TRIM9: variants seen among roughly 807,000 people sequenced by gnomAD.
TRIM9 encodes tripartite motif containing 9.
In TRIM9, 26 loss-of-function variants were observed where a neutral mutation model predicts 78.3. That is an observed-to-expected ratio of 0.33 (90% CI 0.24 to 0.46). TRIM9 has a LOEUF of 0.46. TRIM9 is among the 20% of genes least tolerant of loss of function. The pLI is 1.00. For synonymous variants in TRIM9, 398 were observed against 416.5 expected (o/e 0.96, Z 0.54); for missense variants, 787 against 1,036.4 (o/e 0.76, Z 3.30).
intron 1 of TRIM9, among the ~76,000 whole-genome samples, chr14:51,060,903 C>T (rs1348453649): frequency 6.6e-6 from 1 of 152,218 alleles, no homozygotes; most frequent in Non-Finnish European, 1.5e-5. Flanking sequence ...TATTTTCCCA[C>T]TAGCAATGGT....
chr14:50,990,779 G>T (rs1241132174), intron 7 of TRIM9, among the ~76,000 whole-genome samples: 4 of 152,154 alleles, frequency 2.6e-5, no homozygotes, highest in Non-Finnish European at 4.4e-5. Context: ...GGTAAGGCAA[G>T]ACATGTCACG....
intron 5 of TRIM9, among the ~76,000 whole-genome samples, chr14:51,006,006 T>C (rs2139587603): frequency 6.6e-6 from 1 of 151,846 alleles, no homozygotes; most frequent in South Asian, 2.1e-4. Context: ...CTACTTTCTT[T>C]TTTATCAACA....
At chr14:51,057,751 C>T (rs1033088586) in intron 1 of TRIM9, among the ~76,000 whole-genome samples, 18 of 152,122 alleles carry the variant, frequency 1.2e-4, no homozygotes, top group Non-Finnish European at 1.5e-5. Flanking sequence ...TCATCTTTCT[C>T]TAGTAATGTA....
At chr14:51,053,637 T>C (rs1356979020) in intron 1 of TRIM9, among the ~76,000 whole-genome samples, 1 of 147,446 alleles carries the variant, frequency 6.8e-6, no homozygotes, top group Non-Finnish European at 1.5e-5. Context: ...AGGGTACATG[T>C]GCACATTGTG....
At chr14:50,985,766 C>CT (rs1429806750) in intron 8 of TRIM9, among the ~76,000 whole-genome samples, 190 bp downstream of exon 8, 2 of 152,224 alleles carry the variant, frequency 1.3e-5, no homozygotes, top group African/African-American at 4.8e-5. Flanking sequence ...ATGGTTGCTC[C>CT]TTCCACCACA....
chr14:50,985,969 A>T lies in TRIM9; in HGVS notation c.1779T>A (p.Ser593=). 1 of 1,539,904 alleles carries T rather than the reference A, an allele frequency of 6.5e-7. No homozygotes were observed. Among genetic ancestry groups the T allele is most frequent in the Non-Finnish European group, 8.8e-7 (1 of 1,141,626 alleles). Reference sequence around the variant, plus strand: ...AGCTCAGCTCACCCGGTGCATTGAGAGACTGTAAAGAGGAATGCAAGCTCA... The same window carrying T: ...AGCTCAGCTCACCCGGTGCATTGAGTGACTGTAAAGAGGAATGCAAGCTCA... ...HQLSLHSSLQ[S]LNAPGCNFET... Residue 593 remains serine, a synonymous_variant, in exon 8 of 13, where the codon TCT becomes TCA. Transcript: ENST00000684578.
chr14:51,046,725 C>T (rs1052460966), intron 1 of TRIM9, among the ~76,000 whole-genome samples: 7 of 152,184 alleles, frequency 4.6e-5, no homozygotes, highest in African/African-American at 1.7e-4. Flanking sequence ...TTCTGGCTTT[C>T]CCATGTATTA....
intron 1 of TRIM9, among the ~76,000 whole-genome samples, chr14:51,051,968 GA>G (rs752136261): frequency 1.8e-4 from 24 of 132,722 alleles, no homozygotes; most frequent in Non-Finnish European, 2.7e-4. Flanking sequence ...GTCTTGAAAA[GA>G]AAAGAAGGAA....
chr14:50,996,747 A>T, intron 7 of TRIM9: 1 of 985,464 alleles, frequency 1.0e-6, no homozygotes, highest in Non-Finnish European at 1.2e-6. Flanking sequence ...AGAAGGTGCT[A>T]AAATGATAAT....
chr14:51,002,623 G>C (rs1355423026), intron 5 of TRIM9, among the ~76,000 whole-genome samples: 1 of 152,166 alleles, frequency 6.6e-6, no homozygotes, highest in East Asian at 1.9e-4. Flanking sequence ...TCTGTGTCTT[G>C]TGCACTGAAT....
chr14:51,052,325 G>A (rs367966623), intron 1 of TRIM9, among the ~76,000 whole-genome samples: 9 of 152,140 alleles, frequency 5.9e-5, no homozygotes, highest in East Asian at 3.9e-4. Flanking sequence ...AGTCAAGGTC[G>A]GCGAATATAA....
At chr14:50,987,315 C>T (rs867975326) in intron 7 of TRIM9, among the ~76,000 whole-genome samples, 1 of 152,118 alleles carries the variant, frequency 6.6e-6, no homozygotes, top group East Asian at 1.9e-4. Flanking sequence ...AACTGGAGCA[C>T]GTGTGTGTGC....
chr14:50,976,881 GA>G lies in TRIM9; in HGVS notation c.*409del, dbSNP rs1331174518. ...CCCCCTACAACCTCATTGTTTGACA[GA>G]AAGCTTAAGAAAAAAAGTTAGCAGG... On this transcript the variant is annotated 3_prime_UTR_variant, in exon 13 of 13. Coordinates refer to ENST00000684578, the MANE Select transcript of TRIM9 (RefSeq NM_001387360.1). 1 of 154,668 alleles carries G rather than the reference GA, an allele frequency of 6.5e-6. No homozygotes were observed. The highest frequency in any genetic ancestry group is 1.4e-5 in the Non-Finnish European group (1 of 69,464). The allele number at this position is 154,668 out of a possible 1,614,324, so 9.6% of individuals were successfully genotyped here. A position where few individuals can be genotyped will look rare whatever the true frequency, so the allele number is the denominator to read the frequency against.
At chr14:51,049,989 A>C (rs1473785703) in intron 1 of TRIM9, among the ~76,000 whole-genome samples, 1 of 152,156 alleles carries the variant, frequency 6.6e-6, no homozygotes, top group Non-Finnish European at 1.5e-5. Context: ...TGACAAGCTA[A>C]ATCACATAGG....
At chr14:51,015,505 C>CTTTTCTTTTTTTTTT (rs1555338411) in intron 3 of TRIM9, among the ~76,000 whole-genome samples, 1 of 61,330 alleles carries the variant, frequency 1.6e-5, no homozygotes, top group African/African-American at 6.8e-5. Flanking sequence ...CTTTACTTTT[C>CTTTTCTTTTTTTTTT]TTTTTTTTTT....
intron 1 of TRIM9, among the ~76,000 whole-genome samples, chr14:51,084,866 T>C (rs550316715): frequency 6.6e-6 from 1 of 152,160 alleles, no homozygotes; most frequent in African/African-American, 2.4e-5. Context: ...TGTCATAGAG[T>C]AATTTGGCTT....
intron 1 of TRIM9, 118 bp from the exon 2 acceptor site, chr14:51,025,478 AC>A: frequency 1.2e-6 from 1 of 847,726 alleles, no homozygotes; most frequent in Non-Finnish European, 1.9e-6. Flanking sequence ...CTGAGGTTGG[AC>A]CTTTTTGCTG....
intron 3 of TRIM9, among the ~76,000 whole-genome samples, chr14:51,017,853 G>C (rs1372306795): frequency 1.3e-5 from 2 of 152,194 alleles, no homozygotes; most frequent in Non-Finnish European, 1.5e-5. Flanking sequence ...AACTCCAGCT[G>C]TGTATGGGGC....
intron 1 of TRIM9, among the ~76,000 whole-genome samples, chr14:51,034,325 T>C (rs2058971042): frequency 6.6e-6 from 1 of 152,168 alleles, no homozygotes; most frequent in South Asian, 2.1e-4. Flanking sequence ...AGGCCTTAAC[T>C]AGGAAAAGAG....
Sources: allele counts gnomAD v4.1 joint callset (sites outside exome capture counted in the v4.1 genomes callset), GRCh38; gene constraint gnomAD v4.1.1; transcripts MANE v1.5; gene names NCBI Gene and HGNC (gene_info 2026-07-23, HGNC 2026-07-21).